Variants in CCDC88A observed in about 807,000 individuals in gnomAD.
CCDC88A encodes the protein coiled-coil and HOOK domain protein 88A.
CCDC88A carries 54 observed loss-of-function variants against 234.3 expected under a neutral mutation model. The observed-to-expected ratio is 0.23, with a 90% CI of 0.19 to 0.29. The LOEUF is 0.29. Among genes scored for constraint, CCDC88A ranks in the 10% least tolerant of loss-of-function variants. The pLI is 1.00. For missense variants in CCDC88A, 1,832 were observed against 2,123.4 expected, an observed-to-expected ratio of 0.86 and a Z score of 2.70; for synonymous variants, 753 against 737.8, an observed-to-expected ratio of 1.02 and a Z score of -0.33.
At chr2:55,418,151 T>C (rs1322147033) in intron 2 of CCDC88A, 1 of 152,186 alleles carries the variant, frequency 6.6e-6, no homozygotes, top group Admixed American at 6.5e-5. Flanking sequence ...AAGACAAAGA[T>C]TTGCCCAATA....
intron 2 of CCDC88A, among the ~76,000 whole-genome samples, chr2:55,392,702 T>C (rs1676844186): frequency 2.0e-5 from 3 of 152,260 alleles, no homozygotes; most frequent in Admixed American, 2.0e-4. Context: ...TAACAGGTTG[T>C]CTACTGGTGC....
chr2:55,348,934 A>T (rs1053598023), intron 9 of CCDC88A: 4 of 152,276 alleles, frequency 2.6e-5, no homozygotes, highest in African/African-American at 9.6e-5. Flanking sequence ...ATCCAGCCTT[A>T]TCCTAATCCT....
Position 55,317,158 on chromosome 2 carries a change from T to C in CCDC88A, c.3746+48A>G. ...ACATATATATACACATATATATGTATATACTTTCTATATAAAATGTTTGTT... is the reference window on the plus strand; with the variant it reads ...ACATATATATACACATATATATGTACATACTTTCTATATAAAATGTTTGTT... On this transcript the variant is annotated intron_variant, in intron 21 of 32. Coordinates refer to ENST00000436346, the MANE Select transcript of CCDC88A (RefSeq NM_001365480.1). This position sits in a 1 kb window ranked among gnomAD's most constrained non-coding sequence, Gnocchi z 4.2. 1.2e-6 allele frequency: 1 copy of C among 826,046 alleles called. No individual in the cohort carries two copies. Among genetic ancestry groups the C allele is most frequent in the African/African-American group, 1.8e-5 (1 of 56,218 alleles). The allele number at this position is 826,046 out of a possible 1,614,324, so 51.2% of individuals were successfully genotyped here.
At chr2:55,297,349 A>ATATATATTATATATAATATATAT in intron 29 of CCDC88A, among the ~76,000 whole-genome samples, 1 of 104,472 alleles carries the variant, frequency 9.6e-6, no homozygotes, top group African/African-American at 4.5e-5. Flanking sequence ...TTTATATATT[A>ATATATATTATATATAATATATAT]TATATAAATA....
chr2:55,317,439 A>T lies in CCDC88A; in HGVS notation c.3603-90T>A. On this transcript the variant is annotated intron_variant, in intron 20 of 32. Transcript: ENST00000436346. The surrounding 1 kb of genome is among the most constrained non-coding windows in gnomAD (Gnocchi z 4.2). The stretch of plus-strand genomic sequence containing the variant: ...ATGAGTAATGAGTATCATTTAAAAC[A>T]CATGTAAATTTATATAAATTTCTTA... 1.7e-6 allele frequency: 2 copies of T among 1,194,328 alleles called. No homozygotes were observed. The highest frequency in any genetic ancestry group is 2.3e-5 in the South Asian group (1 of 44,160). The allele number at this position is 1,194,328 out of a possible 1,614,324, so 74.0% of individuals were successfully genotyped here. A position where few individuals can be genotyped will look rare whatever the true frequency, so the allele number is the denominator to read the frequency against.
chr2:55,380,112 T>C (rs1674357129), intron 3 of CCDC88A, among the ~76,000 whole-genome samples: 1 of 146,512 alleles, frequency 6.8e-6, no homozygotes, highest in African/African-American at 2.5e-5. Context: ...GGCACACACC[T>C]GTCATCCCAG....
intron 13 of CCDC88A, among the ~76,000 whole-genome samples, chr2:55,338,597 C>A (rs2576713): frequency 0.39 from 58,770 of 151,988 alleles, 12,134 homozygotes; most frequent in East Asian, 0.85. Context: ...ATATCATTTC[C>A]CACTAAAAGG....
chr2:55,363,293 C>T (rs3099081), intron 6 of CCDC88A, among the ~76,000 whole-genome samples: 11,946 of 151,868 alleles, frequency 0.079, 719 homozygotes, highest in East Asian at 0.31. Context: ...ATTTTAAATA[C>T]TACCAATTTT....
intron 2 of CCDC88A, chr2:55,417,559 A>T (rs1681696541): frequency 6.6e-6 from 1 of 152,016 alleles, no homozygotes; most frequent in Non-Finnish European, 1.5e-5. Context: ...TTCTTAAGGA[A>T]AAAAATAAAT....
At chr2:55,315,782 T>A (rs1574072484) in intron 22 of CCDC88A, 146 bp downstream of exon 22, 1 of 434,238 alleles carries the variant, frequency 2.3e-6, no homozygotes, top group East Asian at 3.3e-5. Context: ...GAATTACATG[T>A]AAGTTTCAGT....
At chr2:55,416,669 A>C (rs867424474) in intron 2 of CCDC88A, among the ~76,000 whole-genome samples, 7 of 151,362 alleles carry the variant, frequency 4.6e-5, no homozygotes, top group Admixed American at 6.6e-5. Flanking sequence ...TGTAGAAATT[A>C]GACTAGGCCT....
chr2:55,341,070 C>A (rs945318771), intron 12 of CCDC88A, among the ~76,000 whole-genome samples: 3 of 151,666 alleles, frequency 2.0e-5, no homozygotes, highest in Non-Finnish European at 4.4e-5. Context: ...TCTTTCTGTG[C>A]CTAGCTTAGT....
chr2:55,343,602 A>T (rs1182923594), intron 12 of CCDC88A, 46 bp downstream of exon 12: 1 of 1,460,408 alleles, frequency 6.8e-7, no homozygotes, highest in East Asian at 2.3e-5. Flanking sequence ...CATAAATACA[A>T]CTTCATGATT....
chr2:55,320,321 T>A (rs1683466936), intron 18 of CCDC88A, among the ~76,000 whole-genome samples: 1 of 152,064 alleles, frequency 6.6e-6, no homozygotes, highest in South Asian at 2.1e-4. Context: ...ATAAAAAAAA[T>A]TCCTATAGTC....
chr2:55,383,547 C>T (rs761196274), intron 3 of CCDC88A, among the ~76,000 whole-genome samples: 5 of 151,360 alleles, frequency 3.3e-5, no homozygotes, highest in South Asian at 2.1e-4. Flanking sequence ...CGCTTGAACC[C>T]GGGAGGCGGA....
chr2:55,337,967 A>G (rs938877853), intron 13 of CCDC88A, among the ~76,000 whole-genome samples: 2 of 152,344 alleles, frequency 1.3e-5, no homozygotes, highest in African/African-American at 4.8e-5. Flanking sequence ...GCTGTGAATA[A>G]TTAATCAGGT....
At chr2:55,409,424 A>G (rs1386530253) in intron 2 of CCDC88A, among the ~76,000 whole-genome samples, 1 of 152,114 alleles carries the variant, frequency 6.6e-6, no homozygotes, top group African/African-American at 2.4e-5. Context: ...CTGTGCGAAC[A>G]CTGTCTCAAG....
intron 2 of CCDC88A, among the ~76,000 whole-genome samples, chr2:55,398,539 G>A (rs995067094): frequency 5.3e-5 from 8 of 152,110 alleles, no homozygotes; most frequent in African/African-American, 1.9e-4. Flanking sequence ...TTAGGATCAC[G>A]GAAAACAGGC....
At position 55,296,362 on chromosome 2, in the gene CCDC88A, T is replaced by C; in HGVS notation, c.4987A>G (p.Thr1663Ala). Reference sequence around the variant, plus strand: ...ATCTTGTGATGTCGACTCTCCAGTGTTTCAGATATTTTGTGCTGGAGCACT... The same window carrying C: ...ATCTTGTGATGTCGACTCTCCAGTGCTTCAGATATTTTGTGCTGGAGCACT... ...SPVLQHKISE[T>A]LESRHHKIKT... is the part of the protein sequence containing the mutation. The change falls in exon 30 of 33, where the codon ACA becomes GCA. Residue 1663 changes from threonine to alanine, a missense_variant. By Grantham distance (58) the Thr-to-Ala change is moderately conservative (BLOSUM62 0). This residue lies in a region of CCDC88A where 422 missense variants were observed against 416.5 expected (regional missense o/e 1.01). Coordinates refer to ENST00000436346, the MANE Select transcript of CCDC88A (RefSeq NM_001365480.1). 1 of 1,614,212 alleles carries C rather than the reference T, an allele frequency of 6.2e-7. No individual in the cohort carries two copies. The highest frequency in any genetic ancestry group is 8.5e-7 in the Non-Finnish European group (1 of 1,180,028).
Sources: allele counts gnomAD v4.1 joint callset (sites outside exome capture counted in the v4.1 genomes callset), GRCh38; gene constraint gnomAD v4.1.1; regional missense constraint gnomAD v4.1.1; non-coding constraint Gnocchi (gnomAD v3.1); transcripts MANE v1.5; gene names NCBI Gene and HGNC (gene_info 2026-07-23, HGNC 2026-07-21).